The following NAIP variants were observed in gnomAD, a reference collection of about 807,000 sequenced individuals.
NAIP encodes the protein NLR family apoptosis inhibitory protein.
A neutral mutation model predicts 23.0 loss-of-function variants in NAIP; 15 were observed. The observed-to-expected ratio is 0.65, with a 90% CI of 0.44 to 1.00. The LOEUF (loss-of-function observed/expected upper bound fraction) is 1.00. Among genes scored for constraint, NAIP ranks in the 50% least tolerant of loss-of-function variants. The pLI is 0.00. For missense variants in NAIP, 265 were observed against 278.8 expected, an observed-to-expected ratio of 0.95 and a Z score of 0.35; for synonymous variants, 100 against 100.2, an observed-to-expected ratio of 1.00 and a Z score of 0.01.
intron 16 of NAIP, among the ~76,000 whole-genome samples, chr5:70,973,211 C>T (rs1422412161): frequency 1.5e-5 from 2 of 135,862 alleles, no homozygotes; most frequent in African/African-American, 5.4e-5. Context: ...TTTTAAATAA[C>T]GTAAAATAAC....
intron 3 of NAIP, among the ~76,000 whole-genome samples, chr5:71,015,134 T>G (rs987704395): frequency 5.3e-5 from 8 of 151,624 alleles, no homozygotes; most frequent in African/African-American, 1.9e-4. Context: ...CCCAGCATTT[T>G]GGGAGGCCAA....
intron 3 of NAIP, among the ~76,000 whole-genome samples, chr5:71,015,300 G>A (rs1331045454): frequency 6.6e-6 from 1 of 150,634 alleles, no homozygotes; most frequent in African/African-American, 2.4e-5. Flanking sequence ...GATCACTTGA[G>A]CCCAAGAATT....
At chr5:71,017,439 A>G (rs527616629) in intron 3 of NAIP, among the ~76,000 whole-genome samples, 2 of 121,308 alleles carry the variant, frequency 1.6e-5, no homozygotes, top group African/African-American at 5.5e-5. Flanking sequence ...CAAGACTAGG[A>G]TACATTAGAA....
intron 9 of NAIP, among the ~76,000 whole-genome samples, chr5:70,996,352 GACTT>G (rs1198965711): frequency 8.2e-6 from 1 of 121,458 alleles, no homozygotes; most frequent in African/African-American, 2.8e-5. Flanking sequence ...AGGTCTGAAT[GACTT>G]AAGAGGAGAT....
In NAIP at chr5:71,012,688, C is replaced by T; in HGVS notation, c.228G>A (p.Trp76Ter). 1 of 1,611,808 alleles carries T rather than the reference C, an allele frequency of 6.2e-7. No individual in the cohort carries two copies. The highest frequency in any genetic ancestry group is 8.5e-7 in the Non-Finnish European group (1 of 1,178,380). The change falls in exon 4 of 17, where the codon TGG (tryptophan) becomes TGA (stop). Residue 76 changes from tryptophan to a stop codon, truncating the protein, a stop_gained. Transcript: ENST00000517649. LOFTEE classifies it high-confidence loss of function. ...TFVTYEPYSS[W>*]IPQEMAAAGF... Reference sequence around the variant, plus strand: ...CAGCGGCCGCCATCTCCTGTGGTATCCATGAGCTGTACGGCTCATAAGTCA... The same window carrying T: ...CAGCGGCCGCCATCTCCTGTGGTATTCATGAGCTGTACGGCTCATAAGTCA...
rs1354779243 is a variant in NAIP at position 71,012,596 on chromosome 5, G to A, written c.320C>T (p.Ala107Val). The A allele has an allele frequency of 6.2e-7, 1 of 1,611,838 alleles. No individual in the cohort carries two copies. Among genetic ancestry groups the A allele is most frequent in the Non-Finnish European group, 8.5e-7 (1 of 1,178,478 alleles). Residue 107 changes from alanine (A) to valine (V), a missense_variant, in exon 4 of 17, where the codon GCC becomes GTC. Coordinates refer to ENST00000517649, the MANE Select transcript of NAIP (RefSeq NM_004536.3). The stretch of plus-strand genomic sequence containing the variant: ...TTCTATGGGGAGTCTCGTGAGGCCG[G>A]CACCAAAGAGGATTAGGCTACAGCA... The part of the protein sequence containing the change: ...CFCCSLILFG[A>V]GLTRLPIEDH...
At chr5:71,013,005 AT>A (rs1419397621) in intron 3 of NAIP, 87 bp from the exon 4 acceptor site, 19 of 1,160,246 alleles carry the variant, frequency 1.6e-5, no homozygotes, top group Non-Finnish European at 2.3e-5. Flanking sequence ...GAAACCAGGA[AT>A]TAAAGGAATG....
At position 71,011,387 on chromosome 5, in the gene NAIP, G is replaced by C; in HGVS notation, c.569-13C>G. 1.3e-6 allele frequency: 2 copies of C among 1,573,106 alleles called. No individual in the cohort carries two copies. Among genetic ancestry groups the C allele is most frequent in the Non-Finnish European group, 1.7e-6 (2 of 1,151,788 alleles). On this transcript the variant is annotated splice_polypyrimidine_tract_variant and intron_variant, in intron 4 of 16. Coordinates refer to ENST00000517649, the MANE Select transcript of NAIP (RefSeq NM_004536.3). The stretch of plus-strand genomic sequence containing the variant: ...GTGTCCTGTTTACCTATATATGAAG[G>C]AAAATATTTAGATTGCCTGGCAGTG...
intron 3 of NAIP, among the ~76,000 whole-genome samples, chr5:71,014,259 G>A (rs755302922): frequency 3.3e-5 from 5 of 151,048 alleles, no homozygotes; most frequent in Admixed American, 1.3e-4. Flanking sequence ...CACCAATTGC[G>A]GCTAATTTCT....
chr5:71,012,552 G>A lies in NAIP; in HGVS notation c.364C>T (p.Pro122Ser). Reference protein sequence around the residue: ...LPIEDHKRFHPDCGFLLNKDV... With the variant: ...LPIEDHKRFHSDCGFLLNKDV... ...TTGTTCAAAAGGAACCCACAATCTG[G>A]ATGAAACCTCTTGTGGTCTTCTATG... The change falls in exon 4 of 17, where the codon CCA becomes TCA. Residue 122 changes from proline (P) to serine (S), a missense_variant. Around this residue, in one of 2 missense-constraint regions of NAIP, gnomAD observed 261 missense variants for 259.2 expected, o/e 1.01. Coordinates refer to ENST00000517649, the MANE Select transcript of NAIP (RefSeq NM_004536.3). 1.2e-6 allele frequency: 2 copies of A among 1,611,716 alleles called. No homozygotes were observed. The highest frequency in any genetic ancestry group is 1.7e-6 in the Non-Finnish European group (2 of 1,178,436).
chr5:71,007,169 C>T (rs1381679405), intron 5 of NAIP, among the ~76,000 whole-genome samples: 10 of 66,574 alleles, frequency 1.5e-4, no homozygotes, highest in African/African-American at 4.2e-4. Context: ...CCACGAGCAG[C>T]GGCTTGTGCT....
At chr5:71,010,466 C>T (rs1361104561) in intron 5 of NAIP, among the ~76,000 whole-genome samples, 1 of 151,522 alleles carries the variant, frequency 6.6e-6, no homozygotes, top group African/African-American at 2.4e-5. Context: ...GACATGGTTT[C>T]ACCGTGTTAG....
chr5:71,012,580 G>GA lies in NAIP; in HGVS notation c.335dup (p.Ile114HisfsTer21). 1 of 1,611,856 alleles carries GA rather than the reference G, an allele frequency of 6.2e-7. No homozygotes were observed. Among genetic ancestry groups the GA allele is most frequent in the Non-Finnish European group, 8.5e-7 (1 of 1,178,478 alleles). ...GAAACCTCTTGTGGTCTTCTATGGG[G>GA]AGTCTCGTGAGGCCGGCACCAAAGA... On this transcript the variant is annotated frameshift_variant, in exon 4 of 17. Coordinates refer to ENST00000517649, the MANE Select transcript of NAIP (RefSeq NM_004536.3). LOFTEE classifies it high-confidence loss of function.
At chr5:70,979,590 T>A (rs201535866) in intron 13 of NAIP, among the ~76,000 whole-genome samples, 9,784 of 22,164 alleles carry the variant, frequency 0.44, 2,968 homozygotes, top group South Asian at 0.51. Flanking sequence ...AAAAAAATAA[T>A]AATAATAATA....
chr5:71,011,311 T>C lies in NAIP; in HGVS notation c.632A>G (p.Asp211Gly). 1 of 1,606,880 alleles carries C rather than the reference T, an allele frequency of 6.2e-7. No individual in the cohort carries two copies. Among genetic ancestry groups the C allele is most frequent in the Non-Finnish European group, 8.5e-7 (1 of 1,175,856 alleles). ...TTTGGCATGTTCCTTCCAAGGATCA[T>C]CTCCTTCTTCCCAATTTCCTAAACA... ...GGCLGNWEEG[D>G]DPWKEHAKWF... is the part of the protein sequence containing the mutation. Residue 211 changes from aspartate (D) to glycine (G), a missense_variant, in exon 5 of 17, where the codon GAT (aspartate) becomes GGT (glycine). Around this residue, in one of 2 missense-constraint regions of NAIP, gnomAD observed 261 missense variants for 259.2 expected, o/e 1.01. Coordinates refer to ENST00000517649, the MANE Select transcript of NAIP (RefSeq NM_004536.3).
chr5:71,011,140 G>A (rs1231145011), intron 5 of NAIP, 135 bp downstream of exon 5: 8 of 643,196 alleles, frequency 1.2e-5, no homozygotes, highest in Non-Finnish European at 2.1e-5. Context: ...GGCTGAGGCA[G>A]GAGAATCACC....
At position 71,012,505 on chromosome 5, in the gene NAIP, C is replaced by G; in HGVS notation, c.411G>C (p.Lys137Asn). 1 of 1,611,708 alleles carries G rather than the reference C, an allele frequency of 6.2e-7. No individual in the cohort carries two copies. Among genetic ancestry groups the G allele is most frequent in the Non-Finnish European group, 8.5e-7 (1 of 1,178,438 alleles). Residue 137 changes from lysine to asparagine, a missense_variant, in exon 4 of 17, where the codon AAG becomes AAC. Transcript: ENST00000517649. ...TCAGATTCTTCACCCTTATGTCGTACTTGGCAATGTTACCAACATCCTTGT... is the reference window on the plus strand; with the variant it reads ...TCAGATTCTTCACCCTTATGTCGTAGTTGGCAATGTTACCAACATCCTTGT... ...LLNKDVGNIA[K>N]YDIRVKNLKS...
At position 71,008,816 on chromosome 5, in the gene NAIP, A is replaced by AG. The variant is rs1380731102; in HGVS notation, c.668+2458_668+2459insC. On this transcript the variant is annotated intron_variant, in intron 5 of 16. Coordinates refer to ENST00000517649, the MANE Select transcript of NAIP (RefSeq NM_004536.3). The stretch of plus-strand genomic sequence containing the variant: ...GAGACTGTCACAAAAAAAAAAAAAA[A>AG]AAAGAAAGAAAGAAAGAAAATAGAA... 1.9e-4 allele frequency among the ~76,000 whole-genome samples: 24 copies of AG among 125,572 alleles called. 1 individual carries two copies. Among genetic ancestry groups the AG allele is most frequent in the Non-Finnish European group, 3.2e-4 (21 of 64,622 alleles). 82.4% of individuals were successfully genotyped at this position (125,572 alleles called of 152,430 possible).
intron 13 of NAIP, among the ~76,000 whole-genome samples, chr5:70,977,898 G>A (rs1278605721): frequency 8.4e-6 from 1 of 118,754 alleles, no homozygotes; most frequent in Non-Finnish European, 1.9e-5. Flanking sequence ...GGGAGGCTGA[G>A]GCAGGAGAAT....
Sources: gnomAD v4.1 joint callset for allele counts (sites outside exome capture counted in the v4.1 genomes callset) on GRCh38, gnomAD v4.1.1 for gene constraint, gnomAD v4.1.1 regional missense constraint, MANE v1.5 for transcripts, NCBI Gene and HGNC (gene_info 2026-07-23, HGNC 2026-07-21) for gene names.